DCC: variants seen among roughly 807,000 people sequenced by gnomAD.
DCC encodes netrin receptor DCC.
Under a neutral mutation model 172.5 loss-of-function variants are expected in DCC, and 58 were observed. That is an observed-to-expected ratio of 0.34 (90% CI 0.27 to 0.42). The LOEUF (loss-of-function observed/expected upper bound fraction) is 0.42. Among genes scored for constraint, DCC ranks in the 10% least tolerant of loss-of-function variants. The pLI is 1.00. For synonymous variants in DCC, 709 were observed against 644.5 expected, an observed-to-expected ratio of 1.10 and a Z score of -1.52; for missense variants, 1,740 against 1,791.0, an observed-to-expected ratio of 0.97 and a Z score of 0.51.
chr18:53,123,265 C>T (rs1285345676), intron 7 of DCC, among the ~76,000 whole-genome samples: 1 of 152,032 alleles, frequency 6.6e-6, no homozygotes, highest in Non-Finnish European at 1.5e-5. Flanking sequence ...AAATGAGGCA[C>T]TGGAATTCAC....
At chr18:53,189,085 A>C (rs1465773152) in intron 9 of DCC, among the ~76,000 whole-genome samples, 1 of 152,208 alleles carries the variant, frequency 6.6e-6, no homozygotes, top group African/African-American at 2.4e-5. Flanking sequence ...GAATTCTTAC[A>C]GATTCTTAGT....
chr18:52,468,819 GT>G (rs1047647490), intron 1 of DCC, among the ~76,000 whole-genome samples: 5 of 151,194 alleles, frequency 3.3e-5, no homozygotes, highest in African/African-American at 4.9e-5. Context: ...ATTTGTGTTA[GT>G]TTTTTTTTCT....
rs149638705 is a variant in DCC at position 53,059,123 on chromosome 18, T to C, written c.986-4182T>C. Among the ~76,000 whole-genome samples the C allele has an allele frequency of 2.6e-3, 393 of 152,182 alleles. 1 individual carries two copies. Among genetic ancestry groups the C allele is most frequent in the Non-Finnish European group, 3.7e-3 (254 of 67,984 alleles). On this transcript the variant is annotated intron_variant, in intron 5 of 28. Coordinates refer to ENST00000442544, the MANE Select transcript of DCC (RefSeq NM_005215.4). ...GAGCCAAAGGGGGAAAAGCCTCTTATAAAACCATCAGATCTTGTGAGAACT... is the reference window on the plus strand; with the variant it reads ...GAGCCAAAGGGGGAAAAGCCTCTTACAAAACCATCAGATCTTGTGAGAACT...
intron 1 of DCC, among the ~76,000 whole-genome samples, chr18:52,612,511 C>G (rs1043600276): frequency 6.6e-6 from 1 of 151,018 alleles, no homozygotes; most frequent in South Asian, 2.2e-4. Flanking sequence ...AAACCCTTCA[C>G]TAAAGTTTCA....
At chr18:52,664,068 G>A (rs2035414396) in intron 1 of DCC, among the ~76,000 whole-genome samples, 1 of 152,236 alleles carries the variant, frequency 6.6e-6, no homozygotes, top group Non-Finnish European at 1.5e-5. Flanking sequence ...TCTAAGTAGA[G>A]CTGTGTCAGC....
At chr18:53,286,527 T>C (rs553881525) in intron 12 of DCC, among the ~76,000 whole-genome samples, 2 of 152,312 alleles carry the variant, frequency 1.3e-5, no homozygotes, top group South Asian at 4.1e-4. Flanking sequence ...GTCTCAAGTA[T>C]ATCTTTACCA....
intron 1 of DCC, among the ~76,000 whole-genome samples, chr18:52,394,030 G>A (rs543093469): frequency 1.1e-4 from 17 of 152,040 alleles, no homozygotes; most frequent in African/African-American, 2.7e-4. Context: ...GTAAATTCAC[G>A]ATAGGCTGGT....
intron 1 of DCC, among the ~76,000 whole-genome samples, chr18:52,472,303 T>A (rs1988970197): frequency 6.6e-6 from 1 of 152,042 alleles, no homozygotes; most frequent in African/African-American, 2.4e-5. Context: ...CCAGCTTCCT[T>A]CCCTTTTCAG....
chr18:53,490,064 C>A (rs147577254), intron 26 of DCC, among the ~76,000 whole-genome samples: 7 of 152,268 alleles, frequency 4.6e-5, no homozygotes, highest in Non-Finnish European at 7.4e-5. Context: ...CCTTTTAGTT[C>A]TGACATTGTC....
intron 5 of DCC, among the ~76,000 whole-genome samples, chr18:53,025,994 A>G (rs1349017683): frequency 6.6e-6 from 1 of 152,106 alleles, no homozygotes; most frequent in African/African-American, 2.4e-5. Context: ...CTGTGAAGGA[A>G]TAGCTTTTTC....
At position 52,732,710 on chromosome 18, in the gene DCC, T is replaced by C. The variant is rs943113950; in HGVS notation, c.92-19344T>C. 5.9e-5 allele frequency among the ~76,000 whole-genome samples: 9 copies of C among 152,188 alleles called. 1 individual carries two copies. Among genetic ancestry groups the C allele is most frequent in the Non-Finnish European group, 1.0e-4 (7 of 68,028 alleles). ...AGTCCAATACATTTCAAATTCATAC[T>C]TATTCTTTGGGCAAATTATAATTTG... is the stretch of plus-strand genomic sequence containing the variant. On this transcript the variant is annotated intron_variant, in intron 1 of 28. Transcript: ENST00000442544.
Position 53,389,251 on chromosome 18 carries a change from G to A in DCC, c.2456-2404G>A, listed in dbSNP as rs564025094. Among the ~76,000 whole-genome samples the A allele has an allele frequency of 1.0e-3, 151 of 149,596 alleles. 1 individual carries two copies. The highest frequency in any genetic ancestry group is 3.5e-3 in the African/African-American group (145 of 41,110). On this transcript the variant is annotated intron_variant, in intron 16 of 28. Coordinates refer to ENST00000442544, the MANE Select transcript of DCC (RefSeq NM_005215.4). ...TTGAATGTAACCACTCAGAGTCAGC[G>A]TATAAATCACCCAGTGGTAGGAAGA...
chr18:53,374,056 C>T (rs1453647305), intron 15 of DCC, among the ~76,000 whole-genome samples: 1 of 152,198 alleles, frequency 6.6e-6, no homozygotes, highest in Non-Finnish European at 1.5e-5. Flanking sequence ...GTAGCAACTA[C>T]AGCAATGCCA....
intron 1 of DCC, among the ~76,000 whole-genome samples, chr18:52,502,646 C>T (rs1461208487): frequency 6.6e-6 from 1 of 152,132 alleles, no homozygotes; most frequent in Non-Finnish European, 1.5e-5. Context: ...TTGCAAATAG[C>T]CAATCCATTG....
chr18:52,877,922 T>A (rs371553186), intron 2 of DCC, among the ~76,000 whole-genome samples: 20 of 152,148 alleles, frequency 1.3e-4, no homozygotes, highest in Non-Finnish European at 2.6e-4. Context: ...GCTATATTAA[T>A]GATAATGTAA....
At chr18:52,541,691 A>G (rs1342107388) in intron 1 of DCC, among the ~76,000 whole-genome samples, 1 of 151,934 alleles carries the variant, frequency 6.6e-6, no homozygotes, top group East Asian at 1.9e-4. Flanking sequence ...GATAAGAAGC[A>G]GGACTTGGCT....
At chr18:52,819,616 C>T (rs1045956184) in intron 2 of DCC, among the ~76,000 whole-genome samples, 2 of 152,080 alleles carry the variant, frequency 1.3e-5, no homozygotes, top group South Asian at 2.1e-4. Flanking sequence ...TTATTAATCT[C>T]TTATAATCCA....
chr18:53,142,238 G>A (rs527421397), intron 7 of DCC, among the ~76,000 whole-genome samples: 2 of 152,304 alleles, frequency 1.3e-5, no homozygotes, highest in Admixed American at 1.3e-4. Flanking sequence ...AATCATAAAT[G>A]CTCTGGTGGA....
At chr18:53,074,117 T>A (rs556169525) in intron 7 of DCC, among the ~76,000 whole-genome samples, 73 of 152,278 alleles carry the variant, frequency 4.8e-4, no homozygotes, top group African/African-American at 1.7e-3. Context: ...TACTTTGATA[T>A]TAACTACTGG....
Sources: gnomAD v4.1 joint callset for allele counts (sites outside exome capture counted in the v4.1 genomes callset) on GRCh38, gnomAD v4.1.1 for gene constraint, MANE v1.5 for transcripts, NCBI Gene and HGNC (gene_info 2026-07-23, HGNC 2026-07-21) for gene names.